Variants in KLHL14 observed in about 807,000 individuals in gnomAD.
KLHL14 encodes kelch like family member 14.
A neutral mutation model predicts 64.3 loss-of-function variants in KLHL14; 22 were observed. That is an observed-to-expected ratio of 0.34 (90% confidence interval 0.24 to 0.49). KLHL14 has a LOEUF of 0.49. KLHL14 is among the 20% of genes least tolerant of loss of function. The pLI is 0.99. For missense variants in KLHL14, 661 were observed against 789.0 expected (o/e 0.84, Z 1.94); for synonymous variants, 322 against 333.4 (o/e 0.97, Z 0.37).
At chr18:32,748,609 C>T (rs1331276670) in intron 2 of KLHL14, among the ~76,000 whole-genome samples, 1 of 151,790 alleles carries the variant, frequency 6.6e-6, no homozygotes, top group East Asian at 1.9e-4. Flanking sequence ...CCGCCTCGGC[C>T]TCCCAAAGTG....
chr18:32,724,880 G>C (rs559991046), intron 3 of KLHL14, among the ~76,000 whole-genome samples: 27 of 152,256 alleles, frequency 1.8e-4, no homozygotes, highest in African/African-American at 6.3e-4. Context: ...CATCAAGCTA[G>C]TTACGTCTGC....
intron 3 of KLHL14, among the ~76,000 whole-genome samples, chr18:32,717,504 A>G (rs1316883764): frequency 6.6e-6 from 1 of 152,210 alleles, no homozygotes; most frequent in Non-Finnish European, 1.5e-5. Flanking sequence ...TCATTCATGT[A>G]GTCAATGAAT....
At chr18:32,743,632 A>T (rs1450873631) in intron 2 of KLHL14, 1 of 152,134 alleles carries the variant, frequency 6.6e-6, no homozygotes, top group African/African-American at 2.4e-5. Context: ...ACAAACCCAA[A>T]CTCTGAATTT....
chr18:32,686,676 T>C (rs1234720945), intron 5 of KLHL14, among the ~76,000 whole-genome samples: 1 of 152,178 alleles, frequency 6.6e-6, no homozygotes, highest in Non-Finnish European at 1.5e-5. Flanking sequence ...GATGTTAAAG[T>C]TCAATATTTC....
At chr18:32,706,078 C>T (rs937147968) in intron 3 of KLHL14, among the ~76,000 whole-genome samples, 3 of 152,186 alleles carry the variant, frequency 2.0e-5, no homozygotes, top group African/African-American at 7.2e-5. Flanking sequence ...TTATTGGTGC[C>T]GTTGCACTTA....
At chr18:32,762,453 T>C (rs2144189880) in intron 2 of KLHL14, among the ~76,000 whole-genome samples, 1 of 152,242 alleles carries the variant, frequency 6.6e-6, no homozygotes, top group African/African-American at 2.4e-5. Flanking sequence ...TTTCCTTGCA[T>C]TTTTCTTACT....
At chr18:32,743,013 C>T (rs576210524) in intron 2 of KLHL14, 12 of 152,388 alleles carry the variant, frequency 7.9e-5, no homozygotes, top group South Asian at 4.1e-4. Context: ...CCAGCACACT[C>T]GACCTGATGG....
At chr18:32,730,333 C>T (rs1338710544) in intron 3 of KLHL14, among the ~76,000 whole-genome samples, 1 of 152,170 alleles carries the variant, frequency 6.6e-6, no homozygotes, top group Non-Finnish European at 1.5e-5. Context: ...TCTAATCATA[C>T]AGATGAATAA....
intron 3 of KLHL14, among the ~76,000 whole-genome samples, chr18:32,713,727 G>T (rs2050031494): frequency 6.6e-6 from 1 of 152,130 alleles, no homozygotes. Flanking sequence ...TTTAATAAAT[G>T]TAGATGTTCA....
In KLHL14 at chr18:32,770,860, G is replaced by A. The variant is rs937460421; in HGVS notation, c.-43-226C>T. 8 of 471,050 alleles carry A rather than the reference G, an allele frequency of 1.7e-5. No individual in the cohort carries two copies. In the Admixed American group the frequency reaches 1.9e-4, roughly 11 times the overall value. 29.2% of individuals were successfully genotyped at this position (471,050 alleles called of 1,614,324 possible). A position where few individuals can be genotyped will look rare whatever the true frequency, so the allele number is the denominator to read the frequency against. ...GAAGGGCCCTGTCTGGGGTCCCGGC[G>A]CCGGTTCTGCGCCCTGCGGCTCCTC... On this transcript the variant is annotated intron_variant, in intron 1 of 8. Coordinates refer to ENST00000359358, the MANE Select transcript of KLHL14 (RefSeq NM_020805.3). This position sits in a 1 kb window ranked among gnomAD's most constrained non-coding sequence, Gnocchi z 6.7.
chr18:32,730,466 T>G lies in KLHL14; in HGVS notation c.1069+11462A>C, dbSNP rs542685906. On this transcript the variant is annotated intron_variant, in intron 3 of 8. Transcript: ENST00000359358. ...TTCCAGTCAGACCAGTTTCCTGTGA[T>G]TTTTTCCCCTTTCATCTAAGATATT... 3.9e-5 allele frequency among the ~76,000 whole-genome samples: 6 copies of G among 152,290 alleles called. No homozygotes were observed. In the South Asian group the frequency reaches 1.2e-3, roughly 32 times the overall value.
chr18:32,742,188 T>C (rs1362239718), intron 2 of KLHL14, 139 bp from the exon 3 acceptor site: 4 of 975,450 alleles, frequency 4.1e-6, no homozygotes, highest in African/African-American at 3.3e-5. Flanking sequence ...CCCCCATTCA[T>C]GTCTCAACAA....
At chr18:32,692,069 A>G (rs2049910416) in intron 4 of KLHL14, among the ~76,000 whole-genome samples, 2 of 152,204 alleles carry the variant, frequency 1.3e-5, no homozygotes, top group South Asian at 4.1e-4. Context: ...ATGTATATCT[A>G]TTAGAATATG....
At chr18:32,728,909 A>G (rs2050120674) in intron 3 of KLHL14, among the ~76,000 whole-genome samples, 1 of 152,078 alleles carries the variant, frequency 6.6e-6, no homozygotes, top group African/African-American at 2.4e-5. Flanking sequence ...AGGAAGGAGG[A>G]AGGAAGTCTT....
At chr18:32,749,189 T>C (rs2050239570) in intron 2 of KLHL14, among the ~76,000 whole-genome samples, 1 of 152,228 alleles carries the variant, frequency 6.6e-6, no homozygotes, top group African/African-American at 2.4e-5. Flanking sequence ...ATAGGGTCTT[T>C]GGGAGTGTAT....
chr18:32,754,836 G>A (rs933320488), intron 2 of KLHL14, among the ~76,000 whole-genome samples: 1 of 152,232 alleles, frequency 6.6e-6, no homozygotes, highest in African/African-American at 2.4e-5. Context: ...CCATTTTCAA[G>A]AAGGGAGTTT....
intron 3 of KLHL14, among the ~76,000 whole-genome samples, chr18:32,728,593 T>A (rs1396670089): frequency 6.6e-6 from 1 of 152,198 alleles, no homozygotes; most frequent in Non-Finnish European, 1.5e-5. Flanking sequence ...TCTTTGCAGA[T>A]AAAATCATTA....
chr18:32,715,110 C>A (rs943408694), intron 3 of KLHL14, among the ~76,000 whole-genome samples: 1 of 151,954 alleles, frequency 6.6e-6, no homozygotes, highest in African/African-American at 2.4e-5. Context: ...GCAGGCATAC[C>A]CTATGCTAAT....
intron 5 of KLHL14, among the ~76,000 whole-genome samples, chr18:32,685,096 G>C (rs1009423980): frequency 6.6e-6 from 1 of 152,038 alleles, no homozygotes; most frequent in African/African-American, 2.4e-5. Context: ...TAATGACTTA[G>C]AAAGAAACGT....
Sources: gnomAD v4.1 joint callset for allele counts (sites outside exome capture counted in the v4.1 genomes callset) on GRCh38, gnomAD v4.1.1 for gene constraint, Gnocchi (gnomAD v3.1) non-coding constraint, MANE v1.5 for transcripts, NCBI Gene and HGNC (gene_info 2026-07-23, HGNC 2026-07-21) for gene names.